Variants in LRP1B observed in about 807,000 individuals in gnomAD.
LRP1B encodes the protein low-density lipoprotein receptor-related protein 1B.
In LRP1B, 217 loss-of-function variants were observed where a neutral mutation model predicts 556.6. That is an observed-to-expected ratio of 0.39 (90% CI 0.35 to 0.44). The LOEUF (loss-of-function observed/expected upper bound fraction) is 0.44. LRP1B is among the 20% of genes least tolerant of loss of function. LRP1B has a pLI of 1.00. For missense variants in LRP1B, 5,053 were observed against 5,620.8 expected (o/e 0.90, Z 3.23); for synonymous variants, 2,047 against 1,865.8 (o/e 1.10, Z -2.50).
chr2:141,836,806 T>G (rs1697296711), intron 1 of LRP1B, among the ~76,000 whole-genome samples: 1 of 151,960 alleles, frequency 6.6e-6, no homozygotes, highest in Non-Finnish European at 1.5e-5. Flanking sequence ...TGTATAAATC[T>G]AACAGTAGGT....
chr2:141,763,727 A>T lies in LRP1B; in HGVS notation c.205+46552T>A, dbSNP rs191584364. On this transcript the variant is annotated intron_variant, in intron 2 of 90. Transcript: ENST00000389484. ...TTAAAGAAATAGTCAGATGCAGAAG[A>T]TGTTCATTACAACACCAAATATAAT... Among the ~76,000 whole-genome samples, 15 of 152,306 alleles carry T rather than the reference A, an allele frequency of 9.8e-5. No individual in the cohort carries two copies. In the East Asian group the frequency reaches 2.3e-3, roughly 24 times the overall value.
intron 1 of LRP1B, among the ~76,000 whole-genome samples, chr2:141,940,577 T>C (rs1383013190): frequency 6.6e-6 from 1 of 152,202 alleles, no homozygotes; most frequent in African/African-American, 2.4e-5. Flanking sequence ...ATGTTGAATA[T>C]ACTTATCCTG....
At chr2:141,411,529 T>G (rs1334717197) in intron 3 of LRP1B, among the ~76,000 whole-genome samples, 1 of 152,124 alleles carries the variant, frequency 6.6e-6, no homozygotes, top group Non-Finnish European at 1.5e-5. Flanking sequence ...GAATTTAAAC[T>G]GATATGTTTG....
In LRP1B at chr2:142,082,329, C is replaced by CT. The variant is rs1379558800; in HGVS notation, c.82+48318dup. ...GATGAATCAAACTTAAAAAAAATTA[C>CT]TTTGGCTTTTTTTTCTCATTTGGAA... On this transcript the variant is annotated intron_variant, in intron 1 of 90. Transcript: ENST00000389484. 7.2e-5 allele frequency among the ~76,000 whole-genome samples: 11 copies of CT among 152,122 alleles called. No individual in the cohort carries two copies. In the East Asian group the frequency reaches 2.1e-3, roughly 29 times the overall value.
intron 1 of LRP1B, among the ~76,000 whole-genome samples, chr2:142,053,796 C>T (rs1200008384): frequency 6.6e-6 from 1 of 152,090 alleles, no homozygotes; most frequent in African/African-American, 2.4e-5. Flanking sequence ...TGGATATACT[C>T]CATCGATCAA....
chr2:140,449,242 T>C (rs1686788715), intron 63 of LRP1B, among the ~76,000 whole-genome samples: 2 of 152,118 alleles, frequency 1.3e-5, no homozygotes, highest in South Asian at 4.1e-4. Context: ...TTCTAAGAAT[T>C]ACAAATGTAA....
chr2:142,127,745 A>G (rs1328976580), intron 1 of LRP1B, among the ~76,000 whole-genome samples: 1 of 152,044 alleles, frequency 6.6e-6, no homozygotes, highest in African/African-American at 2.4e-5. Context: ...ATACAGATAC[A>G]TTAAAATGAC....
chr2:141,524,415 T>G (rs1684626485), intron 2 of LRP1B, among the ~76,000 whole-genome samples: 1 of 152,072 alleles, frequency 6.6e-6, no homozygotes, highest in African/African-American at 2.4e-5. Flanking sequence ...GATCTAGAGT[T>G]CACTAAGACT....
chr2:140,323,804 A>C (rs1680299257), intron 81 of LRP1B, 89 bp downstream of exon 81: 2 of 643,388 alleles, frequency 3.1e-6, no homozygotes, highest in East Asian at 6.0e-5. Flanking sequence ...AGACATTTAC[A>C]TAGTTAAGAT....
intron 3 of LRP1B, among the ~76,000 whole-genome samples, chr2:141,321,679 C>T: frequency 6.6e-6 from 1 of 152,032 alleles, no homozygotes; most frequent in Non-Finnish European, 1.5e-5. Context: ...CATGGAAGTG[C>T]ATGGCACCAA....
At chr2:140,500,821 C>T (rs1429996578) in intron 55 of LRP1B, among the ~76,000 whole-genome samples, 1 of 151,826 alleles carries the variant, frequency 6.6e-6, no homozygotes, top group Non-Finnish European at 1.5e-5. Flanking sequence ...GTGCGCAGTA[C>T]CCCCGGGCAG....
At chr2:141,738,932 A>G (rs1474721303) in intron 2 of LRP1B, among the ~76,000 whole-genome samples, 1 of 152,154 alleles carries the variant, frequency 6.6e-6, no homozygotes, top group Non-Finnish European at 1.5e-5. Flanking sequence ...GAAATAAACA[A>G]TTACAACATA....
At chr2:142,122,106 T>C (rs923854989) in intron 1 of LRP1B, among the ~76,000 whole-genome samples, 2 of 152,150 alleles carry the variant, frequency 1.3e-5, no homozygotes, top group Non-Finnish European at 2.9e-5. Flanking sequence ...CTTCTCAGAA[T>C]GGGTCGGAGC....
At chr2:141,975,674 T>C (rs1701865899) in intron 1 of LRP1B, among the ~76,000 whole-genome samples, 2 of 152,220 alleles carry the variant, frequency 1.3e-5, no homozygotes, top group African/African-American at 4.8e-5. Flanking sequence ...ACCAATTGTG[T>C]CTGATGCCTG....
intron 55 of LRP1B, among the ~76,000 whole-genome samples, chr2:140,497,331 A>G (rs1437901997): frequency 3.3e-5 from 5 of 151,978 alleles, no homozygotes; most frequent in South Asian, 2.1e-4. Flanking sequence ...TCCCTTCATT[A>G]TATCTCACTG....
intron 32 of LRP1B, among the ~76,000 whole-genome samples, chr2:140,799,599 A>G (rs1313545280): frequency 6.6e-6 from 1 of 152,248 alleles, no homozygotes; most frequent in Non-Finnish European, 1.5e-5. Flanking sequence ...AGTCCTTTAT[A>G]ATGCAGATGT....
intron 32 of LRP1B, among the ~76,000 whole-genome samples, chr2:140,799,241 G>T (rs1268378898): frequency 2.0e-5 from 3 of 152,104 alleles, no homozygotes; most frequent in African/African-American, 7.2e-5. Flanking sequence ...GCCCTAAGGA[G>T]ATGGGGCCTT....
At chr2:140,351,855 C>T (rs1475569258) in intron 76 of LRP1B, among the ~76,000 whole-genome samples, 1 of 152,070 alleles carries the variant, frequency 6.6e-6, no homozygotes, top group Non-Finnish European at 1.5e-5. Flanking sequence ...CTATGTTAAG[C>T]CTTTCACAGT....
chr2:140,640,237 C>T (rs1170922950), intron 41 of LRP1B, among the ~76,000 whole-genome samples: 2 of 151,340 alleles, frequency 1.3e-5, no homozygotes, highest in Non-Finnish European at 2.9e-5. Flanking sequence ...GTGATCCACC[C>T]GCCTCGGCCT....
Sources: gnomAD v4.1 joint callset for allele counts (sites outside exome capture counted in the v4.1 genomes callset) on GRCh38, gnomAD v4.1.1 for gene constraint, MANE v1.5 for transcripts, NCBI Gene and HGNC (gene_info 2026-07-23, HGNC 2026-07-21) for gene names.